Variants in CDH18 observed in about 807,000 individuals in gnomAD.
CDH18 encodes the protein cadherin-18.
CDH18 carries 31 observed loss-of-function variants against 67.9 expected under a neutral mutation model. The observed-to-expected ratio is 0.46, with a 90% CI of 0.34 to 0.62. CDH18 has a LOEUF of 0.62. Among genes scored for constraint, CDH18 ranks in the 20% least tolerant of loss-of-function variants. The pLI is 0.01. For synonymous variants in CDH18, 362 were observed against 347.2 expected (o/e 1.04, Z -0.48); for missense variants, 890 against 975.5 (o/e 0.91, Z 1.17).
At chr5:19,609,592 C>G (rs925599236) in intron 6 of CDH18, among the ~76,000 whole-genome samples, 6 of 152,004 alleles carry the variant, frequency 3.9e-5, no homozygotes, top group Admixed American at 1.3e-4. Flanking sequence ...AAAGGGATAA[C>G]TAATTACCAT....
intron 2 of CDH18, among the ~76,000 whole-genome samples, chr5:20,055,154 TA>T (rs1212506296): frequency 2.0e-5 from 3 of 152,232 alleles, no homozygotes; most frequent in Non-Finnish European, 4.4e-5. Context: ...ATTACTATTA[TA>T]AAATATATGA....
intron 1 of CDH18, among the ~76,000 whole-genome samples, chr5:20,401,830 C>T (rs1298969170): frequency 1.3e-5 from 2 of 152,114 alleles, no homozygotes; most frequent in Middle Eastern, 3.2e-3. Context: ...TTAACTACAA[C>T]ATTAATTTGT....
At chr5:20,509,646 C>T (rs1246954216) in intron 1 of CDH18, among the ~76,000 whole-genome samples, 2 of 2,888 alleles carry the variant, frequency 6.9e-4, no homozygotes, top group Non-Finnish European at 2.2e-3. Flanking sequence ...GTCTCGATCT[C>T]CTGACCTTGT....
At chr5:19,825,328 A>G (rs1581522417) in intron 3 of CDH18, among the ~76,000 whole-genome samples, 1 of 152,240 alleles carries the variant, frequency 6.6e-6, no homozygotes, top group East Asian at 1.9e-4. Flanking sequence ...AACAGCCTCC[A>G]GTTAACCTCA....
At chr5:19,695,287 T>G (rs1561069454) in intron 5 of CDH18, among the ~76,000 whole-genome samples, 1 of 152,224 alleles carries the variant, frequency 6.6e-6, no homozygotes, top group Non-Finnish European at 1.5e-5. Context: ...ATTGAACAAG[T>G]ACACATTAAG....
intron 1 of CDH18, among the ~76,000 whole-genome samples, chr5:20,318,424 A>G (rs1737665984): frequency 6.6e-6 from 1 of 151,692 alleles, no homozygotes; most frequent in African/African-American, 2.4e-5. Context: ...ACAAAATCTC[A>G]TGTAGAACTG....
intron 2 of CDH18, among the ~76,000 whole-genome samples, chr5:20,011,000 G>T (rs552801808): frequency 9.9e-5 from 15 of 152,018 alleles, no homozygotes; most frequent in Non-Finnish European, 1.5e-4. Flanking sequence ...TCCCCTGCAC[G>T]CACACATCAT....
intron 1 of CDH18, among the ~76,000 whole-genome samples, chr5:20,539,730 C>A (rs1054939632): frequency 7.7e-6 from 1 of 130,612 alleles, no homozygotes; most frequent in Non-Finnish European, 1.6e-5. Context: ...TCTCCACCAC[C>A]ACTACACACA....
intron 2 of CDH18, among the ~76,000 whole-genome samples, chr5:19,962,947 TTGACACTATAGCC>T (rs1171496589): frequency 6.6e-6 from 1 of 152,132 alleles, no homozygotes; most frequent in Admixed American, 6.5e-5. Context: ...TTGAGACTCA[TTGACACTATAGCC>T]TGACAAAACA....
At chr5:20,250,347 C>T (rs965592336) in intron 2 of CDH18, among the ~76,000 whole-genome samples, 7 of 151,814 alleles carry the variant, frequency 4.6e-5, no homozygotes, top group African/African-American at 4.8e-5. Context: ...GGCTGGAGTG[C>T]AGCCGTGCGA....
intron 1 of CDH18, among the ~76,000 whole-genome samples, chr5:20,413,316 G>T (rs548510712): frequency 2.0e-5 from 3 of 152,092 alleles, no homozygotes; most frequent in Admixed American, 1.3e-4. Context: ...TAATCATTTG[G>T]GTATATACCC....
At chr5:20,235,635 G>T (rs1742420790) in intron 2 of CDH18, among the ~76,000 whole-genome samples, 1 of 152,254 alleles carries the variant, frequency 6.6e-6, no homozygotes, top group South Asian at 2.1e-4. Flanking sequence ...ACAGATGTTG[G>T]CAAGGCTGTA....
intron 5 of CDH18, among the ~76,000 whole-genome samples, chr5:19,621,216 G>GTTT (rs3062881): frequency 0.023 from 3,160 of 140,370 alleles, 107 homozygotes; most frequent in African/African-American, 0.068. Context: ...AAGAACCCAG[G>GTTT]TTTTTTTTTT....
intron 2 of CDH18, among the ~76,000 whole-genome samples, chr5:20,021,900 G>C (rs1290212109): frequency 1.3e-5 from 2 of 152,142 alleles, no homozygotes; most frequent in Non-Finnish European, 2.9e-5. Context: ...TCAATGAGCA[G>C]AAGCCATGGA....
intron 1 of CDH18, among the ~76,000 whole-genome samples, chr5:20,448,546 T>C (rs1046438877): frequency 6.6e-6 from 1 of 152,126 alleles, no homozygotes; most frequent in African/African-American, 2.4e-5. Context: ...TCCTAGAAAA[T>C]TATGTAGAAA....
chr5:19,608,092 C>G (rs190008345), intron 6 of CDH18, among the ~76,000 whole-genome samples: 57 of 151,006 alleles, frequency 3.8e-4, no homozygotes, highest in Non-Finnish European at 6.5e-4. Flanking sequence ...CAATAACAGA[C>G]GAGCAAAAAT....
intron 2 of CDH18, among the ~76,000 whole-genome samples, chr5:19,996,464 A>G (rs1736029080): frequency 6.6e-6 from 1 of 152,056 alleles, no homozygotes; most frequent in Admixed American, 6.6e-5. Flanking sequence ...TGGCATTTGA[A>G]AAGATTACTG....
At chr5:20,537,924 A>G (rs567465013) in intron 1 of CDH18, among the ~76,000 whole-genome samples, 1 of 152,330 alleles carries the variant, frequency 6.6e-6, no homozygotes, top group African/African-American at 2.4e-5. Flanking sequence ...TTATGAAGTC[A>G]TATTTAGCAC....
chr5:20,131,636 T>C (rs1435978), intron 2 of CDH18, among the ~76,000 whole-genome samples: 147,788 of 152,172 alleles, frequency 0.97, 71,928 homozygotes, highest in Middle Eastern at 1. Context: ...CATATGTATA[T>C]CCTATTAGGA....
Sources: gnomAD v4.1 joint callset for allele counts (sites outside exome capture counted in the v4.1 genomes callset) on GRCh38, gnomAD v4.1.1 for gene constraint, MANE v1.5 for transcripts, NCBI Gene and HGNC (gene_info 2026-07-23, HGNC 2026-07-21) for gene names.